Variants in KCNQ5 observed in about 807,000 individuals in gnomAD.
KCNQ5 encodes potassium voltage-gated channel subfamily KQT member 5.
KCNQ5 carries 30 observed loss-of-function variants against 98.2 expected under a neutral mutation model. That is an observed-to-expected ratio of 0.31 (90% CI 0.23 to 0.41). The LOEUF (loss-of-function observed/expected upper bound fraction) is 0.41. Among genes scored for constraint, KCNQ5 ranks in the 10% least tolerant of loss-of-function variants. KCNQ5 has a pLI of 1.00. For synonymous variants in KCNQ5, 458 were observed against 449.4 expected, an observed-to-expected ratio of 1.02 and a Z score of -0.24; for missense variants, 835 against 1,182.5, an observed-to-expected ratio of 0.71 and a Z score of 4.31.
rs149377693 is a variant in KCNQ5 at position 73,102,240 on chromosome 6, A to T, written c.919-3017A>T. Among the ~76,000 whole-genome samples the T allele has an allele frequency of 6.8e-4, 104 of 152,314 alleles. No individual in the cohort carries two copies. The East Asian group carries it at 0.016, about 24-fold the overall frequency. ...ACCCCTATCCCTTGCCATATGGAAA[A>T]AAATCAAATCAAAATGGGATTAAAA... On this transcript the variant is annotated intron_variant, in intron 5 of 13. Coordinates refer to ENST00000370398, the MANE Select transcript of KCNQ5 (RefSeq NM_019842.4).
At chr6:72,999,661 T>C (rs75527335) in intron 1 of KCNQ5, among the ~76,000 whole-genome samples, 2,415 of 152,304 alleles carry the variant, frequency 0.016, 61 homozygotes, top group African/African-American at 0.053. Context: ...CTATGAACCA[T>C]TCCTCAAATA....
At chr6:72,734,060 A>G (rs1394423945) in intron 1 of KCNQ5, among the ~76,000 whole-genome samples, 2 of 152,214 alleles carry the variant, frequency 1.3e-5, no homozygotes, top group African/African-American at 4.8e-5. Context: ...CATTGGAAAG[A>G]GAATGAAGAC....
At chr6:72,873,657 G>C (rs1458282360) in intron 1 of KCNQ5, among the ~76,000 whole-genome samples, 2 of 152,114 alleles carry the variant, frequency 1.3e-5, no homozygotes, top group African/African-American at 4.8e-5. Context: ...AATCATGTTA[G>C]TGGCAATCTT....
At chr6:73,055,614 A>G (rs1772449334) in intron 3 of KCNQ5, 6 of 1,272,918 alleles carry the variant, frequency 4.7e-6, no homozygotes, top group Non-Finnish European at 6.9e-6. Context: ...CCCCAGATCA[A>G]GGAGGGGAAA....
chr6:73,095,126 C>A (rs1774428928), intron 5 of KCNQ5, among the ~76,000 whole-genome samples: 1 of 152,074 alleles, frequency 6.6e-6, no homozygotes, highest in South Asian at 2.1e-4. Flanking sequence ...TTTTCTTATT[C>A]TTTTTTCTTT....
chr6:72,860,213 T>C (rs1193046410), intron 1 of KCNQ5, among the ~76,000 whole-genome samples: 1 of 152,186 alleles, frequency 6.6e-6, no homozygotes, highest in Non-Finnish European at 1.5e-5. Flanking sequence ...TCCAGCCCTA[T>C]TTCCATTTCT....
intron 1 of KCNQ5, among the ~76,000 whole-genome samples, chr6:72,820,074 G>T (rs957667637): frequency 4.6e-5 from 7 of 152,082 alleles, no homozygotes; most frequent in Non-Finnish European, 1.0e-4. Context: ...AGAATCCATT[G>T]TACCAGTGTA....
At chr6:73,019,286 G>A (rs543354830) in intron 2 of KCNQ5, among the ~76,000 whole-genome samples, 22 of 152,252 alleles carry the variant, frequency 1.4e-4, no homozygotes, top group Admixed American at 5.2e-4. Context: ...TAGGTTTAGA[G>A]TGGTTTGGTT....
chr6:72,665,121 GTGTAT>G (rs1766734943), intron 1 of KCNQ5, among the ~76,000 whole-genome samples: 1 of 152,134 alleles, frequency 6.6e-6, no homozygotes, highest in South Asian at 2.1e-4. Context: ...GCCACGGTAG[GTGTAT>G]CACTTGAGGT....
At chr6:72,960,492 C>T (rs539237534) in intron 1 of KCNQ5, among the ~76,000 whole-genome samples, 4 of 152,038 alleles carry the variant, frequency 2.6e-5, no homozygotes, top group Admixed American at 6.5e-5. Context: ...TGCAATGGGG[C>T]GATCTCGGCT....
At chr6:72,986,698 GA>G in intron 1 of KCNQ5, 1 of 1,220,042 alleles carries the variant, frequency 8.2e-7, no homozygotes, top group Admixed American at 2.0e-5. Context: ...GTGGGGAGAA[GA>G]AAAAGAAGAA....
intron 1 of KCNQ5, among the ~76,000 whole-genome samples, chr6:72,681,772 T>C (rs1221497179): frequency 1.8e-4 from 27 of 152,216 alleles, no homozygotes; most frequent in Admixed American, 1.8e-3. Context: ...GATAGAGTTT[T>C]CATGGGATAA....
intron 1 of KCNQ5, among the ~76,000 whole-genome samples, chr6:72,951,588 C>G (rs2150254347): frequency 6.6e-6 from 1 of 151,952 alleles, no homozygotes; most frequent in Non-Finnish European, 1.5e-5. Context: ...TGGCCTAACC[C>G]CTTAGCCTTC....
At chr6:73,032,505 A>G (rs1219701984) in intron 2 of KCNQ5, among the ~76,000 whole-genome samples, 2 of 152,178 alleles carry the variant, frequency 1.3e-5, no homozygotes, top group Non-Finnish European at 2.9e-5. Flanking sequence ...CCTATAGATT[A>G]GTGAGAAGTA....
chr6:72,822,224 C>G (rs757682327), intron 1 of KCNQ5, among the ~76,000 whole-genome samples: 4 of 152,160 alleles, frequency 2.6e-5, no homozygotes, highest in Non-Finnish European at 2.9e-5. Context: ...GGCCACCCCA[C>G]CCTGCAACAT....
chr6:73,054,378 CACA>C (rs1026049994), intron 3 of KCNQ5, among the ~76,000 whole-genome samples: 2 of 152,056 alleles, frequency 1.3e-5, no homozygotes, highest in African/African-American at 2.4e-5. Flanking sequence ...CTGGCAGGGA[CACA>C]ACAACAACAA....
chr6:73,111,523 T>C (rs1775239375), intron 7 of KCNQ5, 120 bp downstream of exon 7: 3 of 713,526 alleles, frequency 4.2e-6, no homozygotes, highest in Non-Finnish European at 4.8e-6. Flanking sequence ...TTTTATAAAA[T>C]GAAGTCAGAA....
At chr6:72,966,566 C>CAAAG (rs1346413290) in intron 1 of KCNQ5, among the ~76,000 whole-genome samples, 3 of 149,868 alleles carry the variant, frequency 2.0e-5, no homozygotes, top group East Asian at 1.9e-4. Flanking sequence ...GAAACTCCAT[C>CAAAG]AAAGAAAGAA....
intron 1 of KCNQ5, among the ~76,000 whole-genome samples, chr6:72,975,892 C>CA (rs1229463549): frequency 6.6e-6 from 1 of 152,158 alleles, no homozygotes; most frequent in Non-Finnish European, 1.5e-5. Context: ...ATACGTGTAA[C>CA]AAAGAGCTGC....
Sources: gnomAD v4.1 joint callset for allele counts (sites outside exome capture counted in the v4.1 genomes callset) on GRCh38, gnomAD v4.1.1 for gene constraint, MANE v1.5 for transcripts, NCBI Gene and HGNC (gene_info 2026-07-23, HGNC 2026-07-21) for gene names.